Variants in DPYD observed in about 807,000 individuals in gnomAD.
The protein encoded by DPYD is dihydropyrimidine dehydrogenase [NADP(+)].
In DPYD, 109 loss-of-function variants were observed where a neutral mutation model predicts 116.2. That is an observed-to-expected ratio of 0.94 (90% confidence interval 0.80 to 1.10). The LOEUF is 1.10. DPYD is among the 50% of genes least tolerant of loss of function. DPYD has a pLI of 0.00. For synonymous variants in DPYD, 440 were observed against 432.0 expected (o/e 1.02, Z -0.23); for missense variants, 1,302 against 1,254.5 (o/e 1.04, Z -0.57).
chr1:97,784,406 T>A (rs762211559), intron 3 of DPYD, among the ~76,000 whole-genome samples: 2 of 152,138 alleles, frequency 1.3e-5, no homozygotes, highest in Admixed American at 1.3e-4. Context: ...ATGAAGTAGA[T>A]CTCTAGATGA....
intron 2 of DPYD, among the ~76,000 whole-genome samples, chr1:97,860,163 C>T (rs1283845496): frequency 1.3e-5 from 2 of 151,928 alleles, no homozygotes; most frequent in Non-Finnish European, 1.5e-5. Context: ...GGCAGCATAA[C>T]GAAACCCTGT....
At chr1:97,815,339 ATAG>A (rs1668547542) in intron 3 of DPYD, among the ~76,000 whole-genome samples, 1 of 152,176 alleles carries the variant, frequency 6.6e-6, no homozygotes, top group African/African-American at 2.4e-5. Flanking sequence ...AGAGGAGAAA[ATAG>A]TAGAAACAAG....
At chr1:97,777,714 A>G (rs1344426581) in intron 3 of DPYD, among the ~76,000 whole-genome samples, 2 of 152,142 alleles carry the variant, frequency 1.3e-5, no homozygotes, top group Non-Finnish European at 2.9e-5. Context: ...AAATGCTTTA[A>G]TGTTGATATA....
At chr1:97,285,805 A>C (rs950144514) in intron 18 of DPYD, among the ~76,000 whole-genome samples, 2 of 151,542 alleles carry the variant, frequency 1.3e-5, no homozygotes, top group African/African-American at 4.9e-5. Context: ...CATCTCATTA[A>C]ATTTTTGTTT....
chr1:97,277,760 T>C (rs566807749), intron 18 of DPYD, among the ~76,000 whole-genome samples: 61 of 152,326 alleles, frequency 4.0e-4, no homozygotes, highest in Non-Finnish European at 1.0e-4. Context: ...ATTCTTATGC[T>C]GTATAGTCTG....
At chr1:97,751,460 G>GTGTGTATATATA (rs763260651) in intron 3 of DPYD, among the ~76,000 whole-genome samples, 591 of 21,136 alleles carry the variant, frequency 0.028, 19 homozygotes, top group South Asian at 0.068. Flanking sequence ...GTGTGTGTGT[G>GTGTGTATATATA]TATATATATA....
At chr1:97,848,681 A>C (rs1670428165) in intron 2 of DPYD, among the ~76,000 whole-genome samples, 1 of 152,234 alleles carries the variant, frequency 6.6e-6, no homozygotes, top group South Asian at 2.1e-4. Context: ...TAAAGGAAAG[A>C]TTATGTTGTA....
chr1:97,093,362 T>G (rs1277400145), intron 21 of DPYD, among the ~76,000 whole-genome samples: 1 of 152,154 alleles, frequency 6.6e-6, no homozygotes, highest in East Asian at 1.9e-4. Flanking sequence ...TTTTTTGGCC[T>G]CCAGAGCTTT....
chr1:97,297,049 G>T (rs2101007653), intron 18 of DPYD, among the ~76,000 whole-genome samples: 1 of 152,242 alleles, frequency 6.6e-6, no homozygotes, highest in East Asian at 1.9e-4. Flanking sequence ...AAATGAGTGA[G>T]GAGTATATGG....
chr1:97,898,883 A>G (rs998879635), intron 1 of DPYD, among the ~76,000 whole-genome samples: 80 of 151,896 alleles, frequency 5.3e-4, no homozygotes, highest in African/African-American at 1.8e-3. Context: ...GCCTTCCAAC[A>G]TGATTGTGAA....
chr1:97,477,623 T>C (rs1678050203), intron 13 of DPYD, among the ~76,000 whole-genome samples: 1 of 61,750 alleles, frequency 1.6e-5, no homozygotes, highest in African/African-American at 5.0e-5. Context: ...TTTTTTTTTT[T>C]TTTTTTTTAA....
At chr1:97,364,405 C>A (rs1670915761) in intron 16 of DPYD, among the ~76,000 whole-genome samples, 1 of 151,828 alleles carries the variant, frequency 6.6e-6, no homozygotes, top group African/African-American at 2.4e-5. Flanking sequence ...GAGAAAGGGG[C>A]AAAAACTCAA....
intron 16 of DPYD, among the ~76,000 whole-genome samples, chr1:97,366,626 G>A (rs151290427): frequency 9.1e-4 from 139 of 152,112 alleles, no homozygotes; most frequent in East Asian, 4.1e-3. Context: ...TGCTGATTCC[G>A]GCATAACTAA....
rs575211902 is a variant in DPYD at position 97,229,592 on chromosome 1, T to G, written c.2442+5260A>C. On this transcript the variant is annotated intron_variant, in intron 19 of 22. Coordinates refer to ENST00000370192, the MANE Select transcript of DPYD (RefSeq NM_000110.4). ...TATATATATATATATATATATATAC[T>G]GATTTTAATTCATACTTTAGCTAAT... Among the ~76,000 whole-genome samples the G allele has an allele frequency of 1.7e-3, 177 of 101,428 alleles. 1 individual carries two copies. The highest frequency in any genetic ancestry group is 5.8e-3 in the African/African-American group (171 of 29,514). 66.5% of individuals were successfully genotyped at this position (101,428 alleles called of 152,430 possible). A position where few individuals can be genotyped will look rare whatever the true frequency, so the allele number is the denominator to read the frequency against.
intron 1 of DPYD, among the ~76,000 whole-genome samples, chr1:97,905,024 A>G (rs1044059123): frequency 6.6e-6 from 1 of 152,018 alleles, no homozygotes; most frequent in Non-Finnish European, 1.5e-5. Flanking sequence ...CTAAAATTAT[A>G]TTTATTTTAA....
chr1:97,104,700 G>A (rs1261432802), intron 20 of DPYD, among the ~76,000 whole-genome samples: 2 of 152,058 alleles, frequency 1.3e-5, no homozygotes, highest in Non-Finnish European at 1.5e-5. Flanking sequence ...AACAGCAGAG[G>A]GAGAAGGGTG....
At chr1:97,099,350 T>G (rs2101597048) in intron 20 of DPYD, among the ~76,000 whole-genome samples, 1 of 152,246 alleles carries the variant, frequency 6.6e-6, no homozygotes, top group East Asian at 1.9e-4. Context: ...GCTTTAAATT[T>G]CAAGGTTATC....
At chr1:97,567,036 A>C (rs936598112) in intron 11 of DPYD, among the ~76,000 whole-genome samples, 1 of 152,154 alleles carries the variant, frequency 6.6e-6, no homozygotes, top group African/African-American at 2.4e-5. Context: ...CCCAACACTT[A>C]AACAATTGAG....
At chr1:97,161,621 A>G (rs368961841) in intron 20 of DPYD, among the ~76,000 whole-genome samples, 4 of 151,250 alleles carry the variant, frequency 2.6e-5, no homozygotes, top group Non-Finnish European at 5.9e-5. Flanking sequence ...TGCACAATGT[A>G]CAGGTTAGTT....
Sources: allele counts gnomAD v4.1 joint callset (sites outside exome capture counted in the v4.1 genomes callset), GRCh38; gene constraint gnomAD v4.1.1; transcripts MANE v1.5; gene names NCBI Gene and HGNC (gene_info 2026-07-23, HGNC 2026-07-21).